FRMD4A: variants seen among roughly 807,000 people sequenced by gnomAD.
FRMD4A encodes FERM domain containing 4A.
Under a neutral mutation model 129.1 loss-of-function variants are expected in FRMD4A, and 29 were observed. That is an observed-to-expected ratio of 0.22 (90% CI 0.17 to 0.31). The LOEUF is 0.31. Ranked by LOEUF, FRMD4A falls within the 10% of genes least tolerant of loss-of-function variation. The pLI, the probability that FRMD4A is intolerant of heterozygous loss-of-function variation, is 1.00. For missense variants in FRMD4A, 1,272 were observed against 1,375.8 expected (o/e 0.92, Z 1.19); for synonymous variants, 634 against 571.6 (o/e 1.11, Z -1.56).
chr10:13,767,872 G>A (rs2092336529), intron 6 of FRMD4A, among the ~76,000 whole-genome samples: 1 of 152,172 alleles, frequency 6.6e-6, no homozygotes, highest in Non-Finnish European at 1.5e-5. Context: ...GGGAATCTTG[G>A]GCTGTCTGGT....
chr10:13,768,565 G>A (rs959742722), intron 6 of FRMD4A, among the ~76,000 whole-genome samples: 1 of 152,164 alleles, frequency 6.6e-6, no homozygotes, highest in African/African-American at 2.4e-5. Context: ...CACTTGTAGG[G>A]TTAGGAAAGC....
In FRMD4A at chr10:13,674,897, T is replaced by C; in HGVS notation, c.1251+14A>G. 1.2e-6 allele frequency: 2 copies of C among 1,613,656 alleles called. No individual in the cohort carries two copies. The highest frequency in any genetic ancestry group is 2.2e-5 in the South Asian group (2 of 91,066). On this transcript the variant is annotated intron_variant, in intron 16 of 24. Transcript: ENST00000357447. ...CAACACCAATTTCAACGGGATGAGC[T>C]AGGAAAGGCTTACAGCTTCTCGGAG...
At chr10:13,995,120 G>C (rs1470074998) in intron 2 of FRMD4A, among the ~76,000 whole-genome samples, 5 of 152,168 alleles carry the variant, frequency 3.3e-5, no homozygotes, top group Admixed American at 6.5e-5. Flanking sequence ...CCCACTCTAA[G>C]ATACATGAGA....
intron 2 of FRMD4A, among the ~76,000 whole-genome samples, chr10:14,203,818 T>A (rs1842706435): frequency 6.6e-6 from 1 of 152,186 alleles, no homozygotes; most frequent in African/African-American, 2.4e-5. Context: ...TTTAAAACGC[T>A]CCTCCTCGAA....
chr10:13,738,634 T>C (rs970716522), intron 11 of FRMD4A, among the ~76,000 whole-genome samples: 12 of 151,888 alleles, frequency 7.9e-5, no homozygotes, highest in African/African-American at 2.7e-4. Flanking sequence ...TATTCCTTTT[T>C]TTTTGAGATG....
At chr10:14,248,359 C>T (rs1470691153) in intron 2 of FRMD4A, among the ~76,000 whole-genome samples, 1 of 152,218 alleles carries the variant, frequency 6.6e-6, no homozygotes, top group African/African-American at 2.4e-5. Context: ...TTTAAAACCA[C>T]ATACTATCTA....
chr10:14,268,693 A>C (rs1845060951), intron 2 of FRMD4A, among the ~76,000 whole-genome samples: 1 of 152,226 alleles, frequency 6.6e-6, no homozygotes, highest in Non-Finnish European at 1.5e-5. Context: ...CCCTATGGAA[A>C]CACGAAGCTT....
At chr10:13,891,687 G>A (rs2131164844) in intron 2 of FRMD4A, 1 of 985,204 alleles carries the variant, frequency 1.0e-6, no homozygotes, top group African/African-American at 1.7e-5. Context: ...TGGTACCCCG[G>A]AACGGGCGTC....
At position 14,238,530 on chromosome 10, in the gene FRMD4A, T is replaced by C. The variant is rs193261853; in HGVS notation, c.45+91528A>G. ...TTATTTTATTATTTATTTATTTATA[T>C]TTTACTTTAAGTTCTGGGATACATG... On this transcript the variant is annotated intron_variant, in intron 2 of 24. Transcript: ENST00000357447. Among the ~76,000 whole-genome samples, 31 of 152,316 alleles carry C rather than the reference T, an allele frequency of 2.0e-4. No homozygotes were observed. In the East Asian group the frequency reaches 5.6e-3, roughly 27 times the overall value.
At chr10:13,758,997 T>C (rs1380280197) in intron 8 of FRMD4A, among the ~76,000 whole-genome samples, 3 of 152,176 alleles carry the variant, frequency 2.0e-5, no homozygotes, top group Non-Finnish European at 4.4e-5. Flanking sequence ...ATTACTTCTA[T>C]TACTCCACAA....
chr10:14,282,746 C>T (rs1845562403), intron 2 of FRMD4A, among the ~76,000 whole-genome samples: 1 of 152,098 alleles, frequency 6.6e-6, no homozygotes, highest in African/African-American at 2.4e-5. Context: ...TACAAAGGGA[C>T]CTGCACAAGT....
At chr10:13,672,367 C>T (rs1490431954) in intron 16 of FRMD4A, among the ~76,000 whole-genome samples, 1 of 151,554 alleles carries the variant, frequency 6.6e-6, no homozygotes, top group Non-Finnish European at 1.5e-5. Flanking sequence ...TTTTAATCTG[C>T]TTCCCTAAAA....
At chr10:14,315,346 A>C (rs1846699888) in intron 2 of FRMD4A, among the ~76,000 whole-genome samples, 1 of 152,196 alleles carries the variant, frequency 6.6e-6, no homozygotes, top group African/African-American at 2.4e-5. Flanking sequence ...GTGTCCAAAA[A>C]AAAGATATCA....
At chr10:13,949,500 G>T (rs768116077) in intron 2 of FRMD4A, among the ~76,000 whole-genome samples, 1 of 151,914 alleles carries the variant, frequency 6.6e-6, no homozygotes, top group African/African-American at 2.4e-5. Flanking sequence ...ATACATCATG[G>T]GTCTTAAAAA....
At chr10:14,130,625 T>C (rs1246119094) in intron 2 of FRMD4A, among the ~76,000 whole-genome samples, 2 of 152,164 alleles carry the variant, frequency 1.3e-5, no homozygotes, top group Non-Finnish European at 2.9e-5. Flanking sequence ...TCCCCGGTGA[T>C]ATTGGTAAGC....
At chr10:14,047,999 C>G (rs1034437948) in intron 2 of FRMD4A, among the ~76,000 whole-genome samples, 1 of 152,202 alleles carries the variant, frequency 6.6e-6, no homozygotes, top group Non-Finnish European at 1.5e-5. Flanking sequence ...GCGCACAGCC[C>G]AGCACATAGT....
intron 6 of FRMD4A, among the ~76,000 whole-genome samples, chr10:13,769,341 C>A (rs1266776254): frequency 6.6e-6 from 1 of 151,744 alleles, no homozygotes; most frequent in African/African-American, 2.4e-5. Context: ...CAGGGTCTTG[C>A]TCTGTCACCC....
chr10:14,122,153 A>C (rs1838560700), intron 2 of FRMD4A, among the ~76,000 whole-genome samples: 1 of 152,232 alleles, frequency 6.6e-6, no homozygotes, highest in Non-Finnish European at 1.5e-5. Flanking sequence ...TGTTAAATGG[A>C]AATCAAAGCC....
At chr10:13,870,813 G>A (rs1589108854) in intron 2 of FRMD4A, 1 of 152,346 alleles carries the variant, frequency 6.6e-6, no homozygotes, top group Non-Finnish European at 1.5e-5. Flanking sequence ...AAGCCCATGT[G>A]GGAGATGACT....
Sources: gnomAD v4.1 joint callset for allele counts (sites outside exome capture counted in the v4.1 genomes callset) on GRCh38, gnomAD v4.1.1 for gene constraint, MANE v1.5 for transcripts, NCBI Gene and HGNC (gene_info 2026-07-23, HGNC 2026-07-21) for gene names.